Variants in KANK1 observed in about 807,000 individuals in gnomAD.
The protein encoded by KANK1 is KN motif and ankyrin repeat domain-containing protein 1.
KANK1 carries 109 observed loss-of-function variants against 106.2 expected under a neutral mutation model. The observed-to-expected ratio is 1.03, with a 90% CI of 0.88 to 1.20. KANK1 has a LOEUF of 1.20. Among genes scored for constraint, KANK1 ranks in the 50% most tolerant of loss-of-function variants. The probability of loss-of-function intolerance (pLI) is 0.00; values close to 1 mark genes in which losing one functional copy is unlikely to be tolerated. For missense variants in KANK1, 2,399 were observed against 1,710.7 expected (o/e 1.40, Z -7.10); for synonymous variants, 873 against 652.2 (o/e 1.34, Z -5.16).
At chr9:482,357 T>C (rs61448871) in intron 3 of KANK1, among the ~76,000 whole-genome samples, 1 of 152,212 alleles carries the variant, frequency 6.6e-6, no homozygotes, top group South Asian at 2.1e-4. Context: ...CTTTATTATG[T>C]GGTGTACACC....
intron 1 of KANK1, among the ~76,000 whole-genome samples, chr9:510,346 A>G (rs1415025850): frequency 6.6e-6 from 1 of 152,212 alleles, no homozygotes; most frequent in Non-Finnish European, 1.5e-5. Flanking sequence ...TCATACCATT[A>G]AGTAGTTGAT....
chr9:491,727 C>T lies in KANK1; in HGVS notation c.-362+18454C>T, dbSNP rs111907591. Among the ~76,000 whole-genome samples, 1,512 of 152,292 alleles carry T rather than the reference C, an allele frequency of 9.9e-3. 32 individuals are homozygous for T. The highest frequency in any genetic ancestry group is 0.034 in the African/African-American group (1,422 of 41,546). ...GAGTGATATGGTTTGGCTGTGTCCC[C>T]ACCCAAATCTCATCTTGAATTATAA... On this transcript the variant is annotated intron_variant, in intron 3 of 15. Coordinates refer to the KANK1 transcript ENST00000382303.
chr9:724,864 C>T lies in KANK1; in HGVS notation c.2699-5187C>T, dbSNP rs79206859. On this transcript the variant is annotated intron_variant, in intron 3 of 11. Coordinates refer to ENST00000382297, the MANE Select transcript of KANK1 (RefSeq NM_015158.5). Reference sequence around the variant, plus strand: ...TAGTGAGACTTTTTGGAGGCCGCTGCAATATTTTCTAAGTAATGATGAATG... The same window carrying T: ...TAGTGAGACTTTTTGGAGGCCGCTGTAATATTTTCTAAGTAATGATGAATG... Among the ~76,000 whole-genome samples, 904 of 152,106 alleles carry T rather than the reference C, an allele frequency of 5.9e-3. 9 individuals are homozygous for T. The highest frequency in any genetic ancestry group is 0.019 in the African/African-American group (800 of 41,486).
intron 1 of KANK1, among the ~76,000 whole-genome samples, chr9:606,385 C>T (rs1285456990): frequency 2.8e-5 from 4 of 140,960 alleles, no homozygotes; most frequent in Admixed American, 6.8e-5. Flanking sequence ...GGTGAAACCC[C>T]GTCTCTACTA....
intron 1 of KANK1, among the ~76,000 whole-genome samples, chr9:664,617 G>A (rs2361110): frequency 0.84 from 127,817 of 152,184 alleles, 53,808 homozygotes; most frequent in East Asian, 0.97. Context: ...GTCTATTATG[G>A]ATAGTGCTGC....
At chr9:503,815 C>T (rs2058614297), upstream of KANK1, among the ~76,000 whole-genome samples, 1 of 152,178 alleles carries the variant, frequency 6.6e-6, no homozygotes, top group Admixed American at 6.5e-5. Flanking sequence ...TTCTCATGGA[C>T]CTACTGGATT....
chr9:617,353 G>T (rs928492708), intron 1 of KANK1, among the ~76,000 whole-genome samples: 2 of 152,188 alleles, frequency 1.3e-5, no homozygotes, highest in Non-Finnish European at 2.9e-5. Flanking sequence ...TTAGGAGAAG[G>T]ATTGGGGAGG....
chr9:588,068 G>GA (rs200074474), intron 1 of KANK1, among the ~76,000 whole-genome samples: 7 of 46,158 alleles, frequency 1.5e-4, no homozygotes, highest in East Asian at 4.0e-4. Context: ...TTGGTCTCAA[G>GA]AAAAAAAAAA....
chr9:549,899 G>A (rs905194043), intron 1 of KANK1, among the ~76,000 whole-genome samples: 2 of 152,106 alleles, frequency 1.3e-5, no homozygotes, highest in African/African-American at 4.8e-5. Context: ...AACCTTAATG[G>A]AGGTTGGGGG....
intron 1 of KANK1, among the ~76,000 whole-genome samples, chr9:676,317 G>A (rs1298319581): frequency 6.6e-6 from 1 of 152,126 alleles, no homozygotes; most frequent in Non-Finnish European, 1.5e-5. Flanking sequence ...ACGGCACAGT[G>A]GGAGATAATG....
intron 1 of KANK1, among the ~76,000 whole-genome samples, chr9:671,143 A>G (rs1845813187): frequency 6.6e-6 from 1 of 151,958 alleles, no homozygotes; most frequent in South Asian, 2.1e-4. Context: ...GAGTGGCAAG[A>G]ATCTGATTCC....
intron 1 of KANK1, among the ~76,000 whole-genome samples, chr9:649,125 G>C (rs76091345): frequency 6.6e-6 from 1 of 152,034 alleles, no homozygotes; most frequent in Non-Finnish European, 1.5e-5. Context: ...AAGTCTCCTG[G>C]CATATAAGGA....
intron 3 of KANK1, among the ~76,000 whole-genome samples, chr9:499,193 G>T (rs565467947): frequency 6.7e-6 from 1 of 149,104 alleles, no homozygotes; most frequent in African/African-American, 2.5e-5. Context: ...AAAAAAAAAA[G>T]TTAAACGCAG....
intron 1 of KANK1, among the ~76,000 whole-genome samples, chr9:645,730 A>G (rs1187372144): frequency 1.3e-5 from 2 of 150,768 alleles, no homozygotes; most frequent in Non-Finnish European, 2.9e-5. Flanking sequence ...AAAAATACGG[A>G]AATTAGCCGG....
intron 1 of KANK1, among the ~76,000 whole-genome samples, chr9:521,460 T>A (rs142788633): frequency 1.3e-4 from 19 of 151,784 alleles, no homozygotes; most frequent in Middle Eastern, 3.4e-3. Context: ...CTTAACCTGC[T>A]TCCAGCTCTT....
At chr9:509,005 TTC>T (rs2058908190) in intron 1 of KANK1, among the ~76,000 whole-genome samples, 3 of 152,358 alleles carry the variant, frequency 2.0e-5, no homozygotes, top group African/African-American at 7.2e-5. Flanking sequence ...GAGTTTATAC[TTC>T]TACCCGTAGT....
intron 1 of KANK1, among the ~76,000 whole-genome samples, chr9:672,106 A>C (rs187043065): frequency 3.3e-5 from 5 of 152,302 alleles, no homozygotes; most frequent in African/African-American, 1.2e-4. Flanking sequence ...TTGTTAAAAC[A>C]ATAGTGCCCT....
At chr9:702,970 T>G (rs1358315491) in intron 2 of KANK1, among the ~76,000 whole-genome samples, 2 of 152,254 alleles carry the variant, frequency 1.3e-5, no homozygotes, top group East Asian at 3.9e-4. Context: ...GTTTTGGTTT[T>G]TTGGAGTGGG....
Position 742,098 on chromosome 9 carries a change from C to T in KANK1, c.3697-107C>T, listed in dbSNP as rs115343886. 1.7e-4 allele frequency: 165 copies of T among 955,332 alleles called. No homozygotes were observed. The African/African-American group carries it at 2.4e-3, about 14-fold the overall frequency. The allele number at this position is 955,332 out of a possible 1,614,324, so 59.2% of individuals were successfully genotyped here. The stretch of plus-strand genomic sequence containing the variant: ...CAAGTAGTTCCATCGCCAGTTCTTT[C>T]CCTTCTGTCACCACACTCTTCCCCC... On this transcript the variant is annotated intron_variant, in intron 9 of 11. Coordinates refer to ENST00000382297, the MANE Select transcript of KANK1 (RefSeq NM_015158.5).
Sources: gnomAD v4.1 joint callset for allele counts (sites outside exome capture counted in the v4.1 genomes callset) on GRCh38, gnomAD v4.1.1 for gene constraint, MANE v1.5 for transcripts, NCBI Gene and HGNC (gene_info 2026-07-23, HGNC 2026-07-21) for gene names.